Variants in KLF8 observed in about 807,000 individuals in gnomAD.
KLF8 encodes KLF transcription factor 8.
In KLF8, 10 loss-of-function variants were observed where a neutral mutation model predicts 18.2. That is an observed-to-expected ratio of 0.55 (90% CI 0.34 to 0.93). KLF8 has a LOEUF of 0.93. Among genes scored for constraint, KLF8 ranks in the 40% least tolerant of loss-of-function variants. The pLI is 0.02. For synonymous variants in KLF8, 109 were observed against 97.3 expected, an observed-to-expected ratio of 1.12 and a Z score of -0.71; for missense variants, 264 against 277.9, an observed-to-expected ratio of 0.95 and a Z score of 0.36.
At chrX:56,196,616 A>G in the KLF8 span, among the ~76,000 whole-genome samples, 1 of 111,435 alleles carries the variant, frequency 9.0e-6, no homozygotes, top group Non-Finnish European at 1.9e-5. Context: ...AGAGACCTAC[A>G]AAGAGACTTA....
the KLF8 span, among the ~76,000 whole-genome samples, chrX:56,051,205 G>T: frequency 9.0e-6 from 1 of 111,394 alleles, no homozygotes; most frequent in African/African-American, 3.3e-5. Flanking sequence ...ATACTGATGG[G>T]TCTTGACTCT....
the KLF8 span, among the ~76,000 whole-genome samples, chrX:55,936,080 C>A: frequency 8.9e-6 from 1 of 112,148 alleles, no homozygotes; most frequent in Non-Finnish European, 1.9e-5. Flanking sequence ...AAATAATCTA[C>A]CAGAGAGAAT....
At chrX:56,266,587 C>A (rs1416175679) in intron 3 of KLF8, 2 of 744,832 alleles carry the variant, frequency 2.7e-6, no homozygotes, top group Admixed American at 8.9e-5. Context: ...AAAATAAGTT[C>A]AGAATTCAGA....
the KLF8 span, among the ~76,000 whole-genome samples, chrX:56,224,183 G>C: frequency 9.0e-6 from 1 of 111,534 alleles, no homozygotes; most frequent in Non-Finnish European, 1.9e-5. Context: ...CAATTAGGAG[G>C]TCATTTAGAT....
chrX:56,113,187 G>A, the KLF8 span, among the ~76,000 whole-genome samples: 31 of 101,194 alleles, frequency 3.1e-4, no homozygotes, highest in African/African-American at 1.1e-3. Context: ...GACAGAGCAA[G>A]ACTCCATCTC....
At chrX:56,100,567 T>C in the KLF8 span, among the ~76,000 whole-genome samples, 1 of 112,181 alleles carries the variant, frequency 8.9e-6, no homozygotes, top group Non-Finnish European at 1.9e-5. Context: ...TTTGTCATTC[T>C]AGGTGTTATT....
At position 56,233,282 on chromosome X, in the gene KLF8, C is replaced by G; in HGVS notation, c.-53C>G. ...TTGCGATCAGCTCAGGAGTATGAGCCTCCCGGAGGACGGCATGAGTTCTGG... is the reference window on the plus strand; with the variant it reads ...TTGCGATCAGCTCAGGAGTATGAGCGTCCCGGAGGACGGCATGAGTTCTGG... On this transcript the variant is annotated 5_prime_UTR_variant, in exon 1 of 6. Coordinates refer to ENST00000468660, the MANE Select transcript of KLF8 (RefSeq NM_007250.5). 1.7e-6 allele frequency: 2 copies of G among 1,204,039 alleles called. No individual in the cohort carries two copies. The highest frequency in any genetic ancestry group is 2.2e-6 in the Non-Finnish European group (2 of 889,091).
At chrX:56,101,091 T>C in the KLF8 span, among the ~76,000 whole-genome samples, 1 of 111,125 alleles carries the variant, frequency 9.0e-6, no homozygotes, top group African/African-American at 3.3e-5. Flanking sequence ...TAGTAACCAA[T>C]AGGTAGTTTT....
chrX:55,981,798 G>A, the KLF8 span, among the ~76,000 whole-genome samples: 1 of 111,515 alleles, frequency 9.0e-6, no homozygotes, highest in Non-Finnish European at 1.9e-5. Flanking sequence ...TGACAACAAT[G>A]TATACTTACT....
the KLF8 span, among the ~76,000 whole-genome samples, chrX:56,022,315 T>C: frequency 2.7e-5 from 3 of 109,556 alleles, no homozygotes; most frequent in Non-Finnish European, 5.7e-5. Flanking sequence ...GGGAGGCTGA[T>C]GCGGGCGGAT....
chrX:56,266,906 A>G, intron 3 of KLF8: 7 of 754,134 alleles, frequency 9.3e-6, no homozygotes, highest in Non-Finnish European at 1.1e-5. Flanking sequence ...TTCTGAATAC[A>G]AATATTATTA....
chrX:56,231,232 C>T (rs1284667094), upstream of KLF8, among the ~76,000 whole-genome samples: 2 of 111,506 alleles, frequency 1.8e-5, no homozygotes, highest in Non-Finnish European at 3.8e-5. Flanking sequence ...TGGTGAACTA[C>T]AGGAGGAAGA....
chrX:55,928,019 T>C, the KLF8 span, among the ~76,000 whole-genome samples: 2 of 112,259 alleles, frequency 1.8e-5, no homozygotes, highest in Non-Finnish European at 3.8e-5. Context: ...ATTAATGCCT[T>C]TTTTACTCTT....
the KLF8 span, among the ~76,000 whole-genome samples, chrX:56,155,623 T>C: frequency 5.4e-5 from 6 of 111,812 alleles, no homozygotes; most frequent in Non-Finnish European, 1.1e-4. Context: ...AATTAAAAAA[T>C]TAAAAAGATA....
At chrX:56,026,740 C>T in the KLF8 span, among the ~76,000 whole-genome samples, 4 of 111,615 alleles carry the variant, frequency 3.6e-5, no homozygotes, top group Non-Finnish European at 5.6e-5. Context: ...AACCTAGGGA[C>T]AAGATCTCAA....
chrX:56,009,833 A>G, the KLF8 span, among the ~76,000 whole-genome samples: 1 of 112,430 alleles, frequency 8.9e-6, no homozygotes, highest in Non-Finnish European at 1.9e-5. Context: ...TCAATAACCA[A>G]CTAGTCCAAC....
the KLF8 span, among the ~76,000 whole-genome samples, chrX:56,202,565 C>CA: frequency 1.1e-5 from 1 of 94,228 alleles, no homozygotes; most frequent in Non-Finnish European, 2.2e-5. Flanking sequence ...ACCTTCCCCC[C>CA]CCCTCCCACC....
At chrX:56,012,912 T>A in the KLF8 span, among the ~76,000 whole-genome samples, 1 of 112,161 alleles carries the variant, frequency 8.9e-6, no homozygotes, top group African/African-American at 3.2e-5. Context: ...AAGACAATCC[T>A]AAGCAAAAAG....
At chrX:55,954,781 T>A in the KLF8 span, among the ~76,000 whole-genome samples, 1 of 111,623 alleles carries the variant, frequency 9.0e-6, no homozygotes, top group Non-Finnish European at 1.9e-5. Context: ...GCAGAAAAAA[T>A]CTCAATGCTC....
Sources: gnomAD v4.1 joint callset for allele counts (sites outside exome capture counted in the v4.1 genomes callset) on GRCh38, gnomAD v4.1.1 for gene constraint, MANE v1.5 for transcripts, NCBI Gene and HGNC (gene_info 2026-07-23, HGNC 2026-07-21) for gene names.